Variants in TRMT11 observed in about 807,000 individuals in gnomAD.
The protein encoded by TRMT11 is tRNA (guanine(10)-N(2))-methyltransferase TRMT11.
Under a neutral mutation model 62.8 loss-of-function variants are expected in TRMT11, and 53 were observed. That is an observed-to-expected ratio of 0.84 (90% CI 0.68 to 1.06). The LOEUF (loss-of-function observed/expected upper bound fraction) is 1.06, where lower values mean the gene tolerates loss of function less well. TRMT11 is among the 50% of genes least tolerant of loss of function. The pLI, the probability that TRMT11 is intolerant of heterozygous loss-of-function variation, is 0.00. For missense variants in TRMT11, 556 were observed against 553.4 expected, an observed-to-expected ratio of 1.00 and a Z score of -0.05; for synonymous variants, 188 against 190.3, an observed-to-expected ratio of 0.99 and a Z score of 0.10.
intron 21 of TRMT11, among the ~76,000 whole-genome samples, chr6:126,125,765 G>T (rs1777710377): frequency 6.6e-6 from 1 of 152,070 alleles, no homozygotes; most frequent in Non-Finnish European, 1.5e-5. Flanking sequence ...GCCAGCGTAA[G>T]AGTGGAATCA....
At chr6:126,212,534 CAAT>C in the TRMT11 span, among the ~76,000 whole-genome samples, 1 of 152,168 alleles carries the variant, frequency 6.6e-6, no homozygotes, top group East Asian at 1.9e-4. Flanking sequence ...CTCTGCTGAT[CAAT>C]GATGTTGAGC....
intron 1 of TRMT11, among the ~76,000 whole-genome samples, chr6:126,181,635 A>G (rs2128241174): frequency 6.6e-6 from 1 of 152,300 alleles, no homozygotes; most frequent in East Asian, 1.9e-4. Context: ...AGAAAAGGGC[A>G]CCATTGTTCC....
At chr6:126,206,668 A>T (rs1778794614), downstream of TRMT11, among the ~76,000 whole-genome samples, 1 of 152,236 alleles carries the variant, frequency 6.6e-6, no homozygotes, top group Non-Finnish European at 1.5e-5. Flanking sequence ...AATAACTCAT[A>T]CAACTCTTTA....
chr6:126,047,291 T>C (rs1355842084), intron 16 of TRMT11, among the ~76,000 whole-genome samples: 2 of 151,012 alleles, frequency 1.3e-5, no homozygotes, highest in Admixed American at 1.3e-4. Flanking sequence ...CCTGTACCCA[T>C]ATAAACCCTA....
intron 12 of TRMT11, among the ~76,000 whole-genome samples, chr6:126,021,772 A>G (rs543016989): frequency 6.6e-6 from 1 of 152,350 alleles, no homozygotes; most frequent in Admixed American, 6.5e-5. Context: ...TCTTACATTC[A>G]TTACATTCTT....
chr6:126,128,812 A>C (rs2128204936), intron 21 of TRMT11, among the ~76,000 whole-genome samples: 1 of 152,142 alleles, frequency 6.6e-6, no homozygotes, highest in African/African-American at 2.4e-5. Flanking sequence ...TTTGGAAGTT[A>C]TTGATCATGA....
intron 1 of TRMT11, among the ~76,000 whole-genome samples, chr6:126,177,924 C>G (rs1474605013): frequency 2.6e-5 from 4 of 152,286 alleles, no homozygotes; most frequent in Admixed American, 2.6e-4. Context: ...CTTAAGCCCT[C>G]TGGCTGCCTC....
At position 126,013,164 on chromosome 6, in the gene TRMT11, AT is replaced by A. The variant is rs1179046296; in HGVS notation, c.1139+67del. Reference sequence around the variant, plus strand: ...TTACAATGTTTGCGTATCTAGTATAATTTTCTCTTTATCTCTTCTTGCATTT... The same window carrying A: ...TTACAATGTTTGCGTATCTAGTATAATTTCTCTTTATCTCTTCTTGCATTT... On this transcript the variant is annotated intron_variant, in intron 11 of 12. Transcript: ENST00000334379. 48 of 1,457,500 alleles carry A rather than the reference AT, an allele frequency of 3.3e-5. No homozygotes were observed. The African/African-American group carries it at 3.8e-4, about 11-fold the overall frequency. The allele number at this position is 1,457,500 out of a possible 1,614,324, so 90.3% of individuals were successfully genotyped here. A position where few individuals can be genotyped will look rare whatever the true frequency, so the allele number is the denominator to read the frequency against.
the TRMT11 span, among the ~76,000 whole-genome samples, chr6:126,254,812 A>T: frequency 2.0e-5 from 3 of 152,160 alleles, no homozygotes. Context: ...AATCTGACAT[A>T]GTCTGTGGAT....
At position 126,022,080 on chromosome 6, in the gene TRMT11, G is replaced by A. The variant is rs565489101; in HGVS notation, c.1260+800G>A. ...TTTTTTTTTTTTTTTTTTTTTTTGA[G>A]ACGGAGTTTCCCTCTTTCACCCAGG... On this transcript the variant is annotated intron_variant, in intron 12 of 12. Coordinates refer to ENST00000334379, the MANE Select transcript of TRMT11 (RefSeq NM_001031712.3). 3.0e-4 allele frequency among the ~76,000 whole-genome samples: 27 copies of A among 88,688 alleles called. No homozygotes were observed. The South Asian group carries it at 0.01, about 33-fold the overall frequency. 58.2% of individuals were successfully genotyped at this position (88,688 alleles called of 152,430 possible). A position where few individuals can be genotyped will look rare whatever the true frequency, so the allele number is the denominator to read the frequency against.
At chr6:126,080,605 C>A (rs1362170703) in intron 17 of TRMT11, among the ~76,000 whole-genome samples, 1 of 152,106 alleles carries the variant, frequency 6.6e-6, no homozygotes, top group East Asian at 1.9e-4. Flanking sequence ...AGGCCTGTAG[C>A]TATTTGTTAG....
At chr6:126,164,224 G>C (rs1046171469) in intron 21 of TRMT11, among the ~76,000 whole-genome samples, 1 of 152,142 alleles carries the variant, frequency 6.6e-6, no homozygotes, top group Non-Finnish European at 1.5e-5. Flanking sequence ...CCTTCGTTTT[G>C]TTATTTATGC....
chr6:126,098,429 A>G (rs146181403), intron 17 of TRMT11, among the ~76,000 whole-genome samples: 1 of 152,268 alleles, frequency 6.6e-6, no homozygotes, highest in East Asian at 1.9e-4. Flanking sequence ...ATAAAAGCAT[A>G]CTTCAGATGC....
chr6:126,122,536 T>G (rs760130179), intron 21 of TRMT11, among the ~76,000 whole-genome samples: 2 of 152,124 alleles, frequency 1.3e-5, no homozygotes, highest in African/African-American at 2.4e-5. Context: ...TTCTAGGACA[T>G]AAGACTGCCA....
chr6:126,221,926 G>A, the TRMT11 span, among the ~76,000 whole-genome samples: 2 of 152,228 alleles, frequency 1.3e-5, no homozygotes, highest in East Asian at 3.9e-4. Context: ...TATTCTTCTA[G>A]GATTTTTATA....
At chr6:126,042,636 C>A (rs1238771324), downstream of TRMT11, among the ~76,000 whole-genome samples, 3 of 152,138 alleles carry the variant, frequency 2.0e-5, no homozygotes, top group African/African-American at 7.2e-5. Flanking sequence ...CTGTTTTGAC[C>A]TCTATGACTT....
At chr6:126,149,837 A>G (rs564882438) in intron 21 of TRMT11, among the ~76,000 whole-genome samples, 35 of 152,332 alleles carry the variant, frequency 2.3e-4, no homozygotes, top group African/African-American at 7.9e-4. Flanking sequence ...CTGAGCAGCC[A>G]GCAGTGATTC....
At chr6:126,042,689 AG>A (rs1416987056), downstream of TRMT11, among the ~76,000 whole-genome samples, 1 of 152,196 alleles carries the variant, frequency 6.6e-6, no homozygotes, top group East Asian at 1.9e-4. Flanking sequence ...CTCTCTCCTG[AG>A]GATTTATCGG....
At chr6:126,042,289 A>G (rs1775902998), downstream of TRMT11, among the ~76,000 whole-genome samples, 1 of 152,170 alleles carries the variant, frequency 6.6e-6, no homozygotes, top group African/African-American at 2.4e-5. Flanking sequence ...TACGATGTTC[A>G]TATGTTTCAC....
Sources: allele counts gnomAD v4.1 joint callset (sites outside exome capture counted in the v4.1 genomes callset), GRCh38; gene constraint gnomAD v4.1.1; transcripts MANE v1.5; gene names NCBI Gene and HGNC (gene_info 2026-07-23, HGNC 2026-07-21).